Variants in SLC24A2 observed in about 807,000 individuals in gnomAD.
The protein encoded by SLC24A2 is solute carrier family 24 member 2.
A neutral mutation model predicts 62.0 loss-of-function variants in SLC24A2; 36 were observed. The observed-to-expected ratio is 0.58, with a 90% CI of 0.44 to 0.77. SLC24A2 has a LOEUF of 0.77. Among genes scored for constraint, SLC24A2 ranks in the 30% least tolerant of loss-of-function variants. The pLI, the probability that SLC24A2 is intolerant of heterozygous loss-of-function variation, is 0.00. For missense variants in SLC24A2, 846 were observed against 817.9 expected, an observed-to-expected ratio of 1.03 and a Z score of -0.42; for synonymous variants, 358 against 294.0, an observed-to-expected ratio of 1.22 and a Z score of -2.23.
At chr9:20,207,116 G>C in the SLC24A2 span, among the ~76,000 whole-genome samples, 2 of 152,104 alleles carry the variant, frequency 1.3e-5, no homozygotes, top group African/African-American at 4.8e-5. Context: ...GAATAAATAG[G>C]AATGAATGAA....
chr9:20,019,111 A>AGAG, the SLC24A2 span, among the ~76,000 whole-genome samples: 18 of 24,696 alleles, frequency 7.3e-4, no homozygotes, highest in East Asian at 3.2e-3. Flanking sequence ...GATAGAAAGA[A>AGAG]AGAAAGAAAG....
chr9:19,869,707 G>C, the SLC24A2 span, among the ~76,000 whole-genome samples: 20 of 152,022 alleles, frequency 1.3e-4, 1 homozygote, highest in Admixed American at 1.3e-3. Context: ...TGCTATCCTT[G>C]TCATATGTAT....
chr9:20,192,448 G>A, the SLC24A2 span, among the ~76,000 whole-genome samples: 4 of 152,228 alleles, frequency 2.6e-5, no homozygotes, highest in South Asian at 8.3e-4. Context: ...GGTGACTACA[G>A]TCAGATACAT....
At chr9:19,858,325 C>T in the SLC24A2 span, among the ~76,000 whole-genome samples, 435 of 152,246 alleles carry the variant, frequency 2.9e-3, 1 homozygote, top group African/African-American at 1.0e-2. Context: ...GAATTGGACT[C>T]CTTTCTTACA....
At chr9:20,255,430 T>G in the SLC24A2 span, among the ~76,000 whole-genome samples, 3 of 152,254 alleles carry the variant, frequency 2.0e-5, no homozygotes, top group South Asian at 6.2e-4. Flanking sequence ...CACCAGTTCT[T>G]AGTTTTCCTT....
At chr9:19,621,383 AT>A (rs1268279588) in intron 3 of SLC24A2, among the ~76,000 whole-genome samples, 4 of 152,180 alleles carry the variant, frequency 2.6e-5, no homozygotes, top group Non-Finnish European at 5.9e-5. Context: ...CTCTCAATGA[AT>A]GTTATGTCTT....
chr9:19,755,381 A>G (rs1822110120), intron 2 of SLC24A2, among the ~76,000 whole-genome samples: 1 of 152,202 alleles, frequency 6.6e-6, no homozygotes, highest in South Asian at 2.1e-4. Context: ...TTTATCACAT[A>G]TAAGTAAAAA....
intron 4 of SLC24A2, among the ~76,000 whole-genome samples, chr9:19,610,223 A>C (rs1014405224): frequency 2.0e-4 from 30 of 152,366 alleles, no homozygotes; most frequent in African/African-American, 7.2e-4. Flanking sequence ...GGAAGGAGAA[A>C]TTACTATAAT....
the SLC24A2 span, among the ~76,000 whole-genome samples, chr9:19,877,986 T>A: frequency 3.4e-4 from 52 of 152,102 alleles, no homozygotes; most frequent in African/African-American, 1.1e-3. Context: ...GGCTTGGGGG[T>A]AACACCAGAA....
chr9:20,058,987 C>T, the SLC24A2 span, among the ~76,000 whole-genome samples: 1 of 152,200 alleles, frequency 6.6e-6, no homozygotes, highest in Non-Finnish European at 1.5e-5. Flanking sequence ...TCCTGTCCTA[C>T]TGTGCAGTTA....
chr9:19,518,685 G>A (rs1429974540), intron 10 of SLC24A2, among the ~76,000 whole-genome samples: 1 of 152,054 alleles, frequency 6.6e-6, no homozygotes, highest in Non-Finnish European at 1.5e-5. Flanking sequence ...CTCCCAAAGT[G>A]CTGGGATTAC....
the SLC24A2 span, among the ~76,000 whole-genome samples, chr9:20,138,494 T>C: frequency 6.6e-6 from 1 of 152,168 alleles, no homozygotes; most frequent in African/African-American, 2.4e-5. Flanking sequence ...GATCCTGAAA[T>C]TTTAGGTTAG....
At chr9:19,557,669 T>C (rs1835162567) in intron 7 of SLC24A2, among the ~76,000 whole-genome samples, 1 of 152,182 alleles carries the variant, frequency 6.6e-6, no homozygotes, top group South Asian at 2.1e-4. Flanking sequence ...TCACTGAATA[T>C]TGGTGTCTGA....
the SLC24A2 span, among the ~76,000 whole-genome samples, chr9:19,846,713 T>A: frequency 6.6e-6 from 1 of 152,162 alleles, no homozygotes; most frequent in African/African-American, 2.4e-5. Context: ...TTTTTATTTA[T>A]ATTAAGTGTT....
At chr9:19,709,033 T>C (rs1820626759) in intron 2 of SLC24A2, among the ~76,000 whole-genome samples, 1 of 151,970 alleles carries the variant, frequency 6.6e-6, no homozygotes, top group African/African-American at 2.4e-5. Flanking sequence ...ATCCAGAATC[T>C]ACAATGAACT....
the SLC24A2 span, among the ~76,000 whole-genome samples, chr9:19,891,522 AGAAAGCATGTCACATTGTGAGAGAGGGAG>A: frequency 6.6e-5 from 10 of 152,226 alleles, no homozygotes; most frequent in Non-Finnish European, 1.5e-4. Flanking sequence ...GTGAAGGGGG[AGAAAGCATGTCACATTGTGAGAGAGGGAG>A]GAAGAGGAGG....
chr9:20,149,152 G>T, the SLC24A2 span, among the ~76,000 whole-genome samples: 171 of 152,060 alleles, frequency 1.1e-3, 2 homozygotes, highest in African/African-American at 4.0e-3. Flanking sequence ...AAAAGTCCTG[G>T]TGAGAAACTC....
chr9:20,133,582 T>C, the SLC24A2 span, among the ~76,000 whole-genome samples: 1 of 152,170 alleles, frequency 6.6e-6, no homozygotes, highest in Non-Finnish European at 1.5e-5. Flanking sequence ...ATTTCAAATG[T>C]CTAAAATAAC....
chr9:20,292,182 C>T, the SLC24A2 span, among the ~76,000 whole-genome samples: 1 of 152,190 alleles, frequency 6.6e-6, no homozygotes, highest in Non-Finnish European at 1.5e-5. Context: ...CAGGGGGAAA[C>T]TGACTGCAGT....
Sources: gnomAD v4.1 joint callset for allele counts (sites outside exome capture counted in the v4.1 genomes callset) on GRCh38, gnomAD v4.1.1 for gene constraint, MANE v1.5 for transcripts, NCBI Gene and HGNC (gene_info 2026-07-23, HGNC 2026-07-21) for gene names.